TLN2: variants seen among roughly 807,000 people sequenced by gnomAD.
TLN2 encodes the protein talin 2, also known as talin-2.
TLN2 carries 118 observed loss-of-function variants against 294.7 expected under a neutral mutation model. That is an observed-to-expected ratio of 0.40 (90% CI 0.34 to 0.47). The LOEUF is 0.47. Ranked by LOEUF, TLN2 falls within the 20% of genes least tolerant of loss-of-function variation. The pLI is 0.84. For synonymous variants in TLN2, 1,431 were observed against 1,304.5 expected (o/e 1.10, Z -2.09); for missense variants, 3,083 against 3,282.2 (o/e 0.94, Z 1.48).
intron 13 of TLN2, 116 bp from the exon 14 acceptor site, chr15:62,694,200 C>A: frequency 1.3e-6 from 1 of 788,866 alleles, no homozygotes; most frequent in Non-Finnish European, 2.1e-6. Context: ...TTGTCTCGAA[C>A]TCCTGACCTC....
intron 1 of TLN2, among the ~76,000 whole-genome samples, chr15:62,495,405 AC>A (rs1416734681): frequency 6.6e-6 from 1 of 152,226 alleles, no homozygotes; most frequent in Non-Finnish European, 1.5e-5. Context: ...GTTGACCCCA[AC>A]TGTGACACTT....
At chr15:62,405,350 C>CT (rs554637136) in intron 1 of TLN2, among the ~76,000 whole-genome samples, 143 of 152,268 alleles carry the variant, frequency 9.4e-4, no homozygotes, top group African/African-American at 3.4e-3. Context: ...GACAGGCACC[C>CT]TGCAGGGCAG....
intron 32 of TLN2, among the ~76,000 whole-genome samples, chr15:62,741,930 C>T (rs189634625): frequency 1.3e-5 from 2 of 151,536 alleles, no homozygotes; most frequent in Non-Finnish European, 2.9e-5. Flanking sequence ...GTATGAACTA[C>T]ATCATCCTTA....
chr15:62,568,263 G>C (rs1315829865), intron 1 of TLN2, among the ~76,000 whole-genome samples: 1 of 152,108 alleles, frequency 6.6e-6, no homozygotes, highest in Non-Finnish European at 1.5e-5. Context: ...GGGCGAGGTA[G>C]AGTGGAGCCC....
intron 2 of TLN2, among the ~76,000 whole-genome samples, chr15:62,600,618 G>A (rs2046915869): frequency 6.6e-6 from 1 of 152,132 alleles, no homozygotes; most frequent in Admixed American, 6.5e-5. Context: ...TGAGAGGAGT[G>A]GGAATGGAAC....
At chr15:62,727,260 G>GTT (rs2060488967) in intron 28 of TLN2, 71 bp downstream of exon 28, 9 of 1,382,952 alleles carry the variant, frequency 6.5e-6, no homozygotes, top group Non-Finnish European at 9.0e-6. Context: ...AGGAGGAGGA[G>GTT]TTCATTCCTT....
Position 62,419,931 on chromosome 15 carries a change from C to CT in TLN2, c.-238+29247dup, listed in dbSNP as rs750026967. Reference sequence around the variant, plus strand: ...TGAGCCACAGTGCCCCTCCTGAACTCTATTTCTTGACAACCCAAGGGGCAT... The same window carrying CT: ...TGAGCCACAGTGCCCCTCCTGAACTCTTATTTCTTGACAACCCAAGGGGCAT... On this transcript the variant is annotated intron_variant, in intron 1 of 58. Transcript: ENST00000636159. Among the ~76,000 whole-genome samples, 22 of 152,276 alleles carry CT rather than the reference C, an allele frequency of 1.4e-4. No homozygotes were observed. In the East Asian group the frequency reaches 2.3e-3, roughly 16 times the overall value.
chr15:62,594,909 G>A (rs1486750849), intron 2 of TLN2, among the ~76,000 whole-genome samples: 1 of 152,144 alleles, frequency 6.6e-6, no homozygotes, highest in East Asian at 1.9e-4. Context: ...CATCTGATAA[G>A]GGGTTACTAT....
In TLN2 at chr15:62,524,623, C is replaced by T. The variant is rs533083655; in HGVS notation, c.-237-65064C>T. ...AGATGAAACCACCATGAACTTTAAA[C>T]AGCCCTGTTTTGGCATATAGTAAAT... On this transcript the variant is annotated intron_variant, in intron 1 of 58. Transcript: ENST00000636159. Among the ~76,000 whole-genome samples, 13 of 152,186 alleles carry T rather than the reference C, an allele frequency of 8.5e-5. No individual in the cohort carries two copies. The East Asian group carries it at 1.6e-3, about 18-fold the overall frequency.
intron 1 of TLN2, among the ~76,000 whole-genome samples, chr15:62,424,044 A>C (rs2034565572): frequency 6.6e-6 from 1 of 152,156 alleles, no homozygotes; most frequent in South Asian, 2.1e-4. Flanking sequence ...AGGGATCTGA[A>C]TCCTGGTTCA....
intron 1 of TLN2, among the ~76,000 whole-genome samples, chr15:62,576,511 G>A (rs2044412534): frequency 6.6e-6 from 1 of 151,876 alleles, no homozygotes. Flanking sequence ...CATCCAAGGG[G>A]CAGGGAGGGA....
intron 29 of TLN2, 128 bp downstream of exon 29, chr15:62,737,214 A>G (rs1240588545): frequency 5.1e-6 from 5 of 972,422 alleles, no homozygotes; most frequent in Non-Finnish European, 7.7e-6. Context: ...GAAACTTCCA[A>G]AGGTCATAAC....
At chr15:62,516,130 G>A (rs991856577) in intron 1 of TLN2, among the ~76,000 whole-genome samples, 2 of 152,230 alleles carry the variant, frequency 1.3e-5, no homozygotes, top group African/African-American at 4.8e-5. Flanking sequence ...GAGAGGTCAA[G>A]TGACTTGTGC....
intron 21 of TLN2, among the ~76,000 whole-genome samples, chr15:62,710,720 CTTTTTT>C (rs71287048): frequency 2.6e-5 from 2 of 77,048 alleles, no homozygotes; most frequent in African/African-American, 4.6e-5. Flanking sequence ...TGCTGATGTC[CTTTTTT>C]TTTTTTTTTT....
chr15:62,395,450 C>T (rs1045391518), intron 1 of TLN2, among the ~76,000 whole-genome samples: 1 of 152,034 alleles, frequency 6.6e-6, no homozygotes, highest in African/African-American at 2.4e-5. Context: ...TGGTAATACT[C>T]TCTGCTCGAT....
rs1567558778 is a variant in TLN2, at chr15:62,766,430, A to G, written c.5196+8A>G. ...GCTCAGCTGGGACATAAGGTAATGC[A>G]CACCGAGGGGATCCTGCGAGGGTGT... On this transcript the variant is annotated splice_region_variant and intron_variant, in intron 41 of 58. Coordinates refer to ENST00000636159, the MANE Select transcript of TLN2 (RefSeq NM_015059.3). 3.7e-6 allele frequency: 6 copies of G among 1,600,030 alleles called. No homozygotes were observed. Among genetic ancestry groups the G allele is most frequent in the Non-Finnish European group, 5.1e-6 (6 of 1,168,444 alleles).
chr15:62,570,930 T>TGA (rs1567118073), intron 1 of TLN2, among the ~76,000 whole-genome samples: 1 of 151,560 alleles, frequency 6.6e-6, no homozygotes, highest in Non-Finnish European at 1.5e-5. Flanking sequence ...TGTGTGTGTG[T>TGA]GTGTGTGTGT....
intron 2 of TLN2, among the ~76,000 whole-genome samples, chr15:62,607,198 C>T (rs150319899): frequency 6.6e-6 from 1 of 152,122 alleles, no homozygotes; most frequent in South Asian, 2.1e-4. Flanking sequence ...CTTTCTCTTT[C>T]CTCTGGGGAA....
At chr15:62,719,305 C>T (rs1331252573) in intron 24 of TLN2, among the ~76,000 whole-genome samples, 3 of 152,170 alleles carry the variant, frequency 2.0e-5, no homozygotes, top group Admixed American at 6.5e-5. Context: ...AACACAAAGG[C>T]GCAGAATGTG....
Sources: gnomAD v4.1 joint callset for allele counts (sites outside exome capture counted in the v4.1 genomes callset) on GRCh38, gnomAD v4.1.1 for gene constraint, MANE v1.5 for transcripts, NCBI Gene and HGNC (gene_info 2026-07-23, HGNC 2026-07-21) for gene names.